The following SGCZ variants were observed in gnomAD, a reference collection of about 807,000 sequenced individuals.
The protein encoded by SGCZ is sarcoglycan zeta, also known as zeta-sarcoglycan.
SGCZ carries 40 observed loss-of-function variants against 41.3 expected under a neutral mutation model. The ratio of observed to expected loss-of-function variants is 0.97; its 90% CI spans 0.75 to 1.26. The LOEUF (loss-of-function observed/expected upper bound fraction) is 1.26. SGCZ is among the 50% of genes most tolerant of loss of function. The probability of loss-of-function intolerance (pLI) is 0.00; values close to 1 mark genes in which losing one functional copy is unlikely to be tolerated. For missense variants in SGCZ, 552 were observed against 369.8 expected (o/e 1.49, Z -4.04); for synonymous variants, 206 against 137.5 (o/e 1.50, Z -3.49).
chr8:14,758,537 C>G (rs1043080062), intron 1 of SGCZ, among the ~76,000 whole-genome samples: 1 of 152,064 alleles, frequency 6.6e-6, no homozygotes, highest in East Asian at 1.9e-4. Context: ...ATCTGGGACA[C>G]CGATCAAAGT....
At chr8:14,623,194 C>G (rs1172734878) in intron 1 of SGCZ, among the ~76,000 whole-genome samples, 3 of 152,126 alleles carry the variant, frequency 2.0e-5, no homozygotes, top group African/African-American at 7.2e-5. Context: ...AATAACCAAT[C>G]AAGATGAATA....
intron 1 of SGCZ, among the ~76,000 whole-genome samples, chr8:15,100,165 T>C (rs115301271): frequency 0.067 from 10,188 of 152,214 alleles, 1,106 homozygotes; most frequent in African/African-American, 0.23. Flanking sequence ...ATAAGACCCT[T>C]GAATTTTCGG....
At chr8:15,136,462 T>C (rs1313609178) in intron 1 of SGCZ, among the ~76,000 whole-genome samples, 2 of 151,650 alleles carry the variant, frequency 1.3e-5, no homozygotes, top group African/African-American at 4.8e-5. Context: ...GGGAGGTGGG[T>C]AATTGTCAGG....
chr8:15,237,450 G>C, intron 1 of SGCZ, 135 bp downstream of exon 1: 2 of 1,047,174 alleles, frequency 1.9e-6, no homozygotes, highest in East Asian at 5.2e-5. Context: ...GCCCGGGTGC[G>C]CGTCCCCCCA....
chr8:14,467,370 C>A (rs1444696143), intron 2 of SGCZ, among the ~76,000 whole-genome samples: 1 of 152,006 alleles, frequency 6.6e-6, no homozygotes, highest in Non-Finnish European at 1.5e-5. Context: ...AAAACAATGG[C>A]CATTGTCTCT....
intron 2 of SGCZ, among the ~76,000 whole-genome samples, chr8:14,466,043 T>C (rs1801040235): frequency 6.6e-6 from 1 of 151,990 alleles, no homozygotes; most frequent in African/African-American, 2.4e-5. Flanking sequence ...TCACAGTTTA[T>C]CTTTACTGAT....
At chr8:14,506,352 G>C (rs1366821086) in intron 2 of SGCZ, among the ~76,000 whole-genome samples, 2 of 151,884 alleles carry the variant, frequency 1.3e-5, no homozygotes, top group African/African-American at 4.8e-5. Context: ...ATTAGCTCCC[G>C]TTTCCTCTTA....
At chr8:14,678,089 T>C (rs1808331861) in intron 1 of SGCZ, among the ~76,000 whole-genome samples, 1 of 152,094 alleles carries the variant, frequency 6.6e-6, no homozygotes, top group Non-Finnish European at 1.5e-5. Flanking sequence ...ACTGTAAAAT[T>C]TCAAGTAACA....
At chr8:14,861,284 C>G (rs1032180298) in intron 1 of SGCZ, among the ~76,000 whole-genome samples, 7 of 152,102 alleles carry the variant, frequency 4.6e-5, no homozygotes, top group African/African-American at 1.7e-4. Flanking sequence ...CAAAGAAGAA[C>G]ATGGAAAGAG....
At position 15,012,625 on chromosome 8, in the gene SGCZ, AATAT is replaced by A. The variant is rs1046027725; in HGVS notation, c.39+224956_39+224959del. On this transcript the variant is annotated intron_variant, in intron 1 of 7. Coordinates refer to ENST00000382080, the MANE Select transcript of SGCZ (RefSeq NM_139167.4). ...TTATATAATACATATATGTTTATAT[AATAT>A]ATAAACATATAAAACTATATATAAT... Among the ~76,000 whole-genome samples, 90 of 107,564 alleles carry A rather than the reference AATAT, an allele frequency of 8.4e-4. 1 individual carries two copies. Among genetic ancestry groups the A allele is most frequent in the African/African-American group, 2.8e-3 (88 of 31,362 alleles). The allele number at this position is 107,564 out of a possible 152,430, so 70.6% of individuals were successfully genotyped here.
intron 1 of SGCZ, among the ~76,000 whole-genome samples, chr8:15,104,384 C>G (rs551298369): frequency 6.6e-6 from 1 of 152,284 alleles, no homozygotes; most frequent in South Asian, 2.1e-4. Context: ...ACTGGCACAT[C>G]AGACAGAGAG....
chr8:14,598,617 C>A (rs913366583), intron 1 of SGCZ, among the ~76,000 whole-genome samples: 4 of 151,878 alleles, frequency 2.6e-5, no homozygotes, highest in Non-Finnish European at 5.9e-5. Context: ...AGACTCGACC[C>A]CCCCGGGCTC....
intron 1 of SGCZ, among the ~76,000 whole-genome samples, chr8:14,848,058 A>G (rs1803195093): frequency 6.6e-6 from 1 of 152,138 alleles, no homozygotes; most frequent in African/African-American, 2.4e-5. Flanking sequence ...TAAAATATCA[A>G]TATTAAATGT....
At chr8:15,201,584 T>A (rs1459919945) in intron 1 of SGCZ, among the ~76,000 whole-genome samples, 1 of 152,164 alleles carries the variant, frequency 6.6e-6, no homozygotes. Flanking sequence ...ATCACCCAAG[T>A]TCATGCATTG....
intron 2 of SGCZ, among the ~76,000 whole-genome samples, chr8:14,347,266 A>G (rs960043433): frequency 3.9e-5 from 6 of 152,098 alleles, no homozygotes; most frequent in Non-Finnish European, 7.4e-5. Context: ...CAGAATTCCT[A>G]CACTGAAGAG....
chr8:14,847,064 T>C (rs1803140174), intron 1 of SGCZ, among the ~76,000 whole-genome samples: 1 of 148,434 alleles, frequency 6.7e-6, no homozygotes, highest in Non-Finnish European at 1.5e-5. Flanking sequence ...AGAGCAAGAC[T>C]TCATCTCTAC....
intron 1 of SGCZ, among the ~76,000 whole-genome samples, chr8:14,916,347 G>A (rs1247297511): frequency 2.6e-5 from 4 of 152,260 alleles, no homozygotes; most frequent in African/African-American, 7.2e-5. Flanking sequence ...AGGAAAGCCC[G>A]AAGTTTCAGC....
rs180869392 is a variant in SGCZ at position 14,366,594 on chromosome 8, C to T, written c.235-42390G>A. Among the ~76,000 whole-genome samples, 22 of 152,140 alleles carry T rather than the reference C, an allele frequency of 1.4e-4. No individual in the cohort carries two copies. The East Asian group carries it at 1.9e-3, about 13-fold the overall frequency. ...TCAAAACCAATCATGCCTTCCCCAA[C>T]GGTCCCCCCAAAATCTTAAATCATT... On this transcript the variant is annotated intron_variant, in intron 2 of 7. Coordinates refer to ENST00000382080, the MANE Select transcript of SGCZ (RefSeq NM_139167.4).
chr8:14,703,542 A>G (rs1178167899), intron 1 of SGCZ, among the ~76,000 whole-genome samples: 1 of 151,952 alleles, frequency 6.6e-6, no homozygotes. Context: ...TATATATTTC[A>G]TGCCAGCTAC....
Sources: allele counts gnomAD v4.1 joint callset (sites outside exome capture counted in the v4.1 genomes callset), GRCh38; gene constraint gnomAD v4.1.1; transcripts MANE v1.5; gene names NCBI Gene and HGNC (gene_info 2026-07-23, HGNC 2026-07-21).